The following PLSCR1 variants were observed in gnomAD, a reference collection of about 807,000 sequenced individuals.
The protein encoded by PLSCR1 is PL scramblase 1.
Under a neutral mutation model 37.8 loss-of-function variants are expected in PLSCR1, and 17 were observed. The ratio of observed to expected loss-of-function variants is 0.45; its 90% CI spans 0.31 to 0.68. The LOEUF is 0.68. PLSCR1 is among the 30% of genes least tolerant of loss of function. The probability of loss-of-function intolerance (pLI) is 0.06; values close to 1 mark genes in which losing one functional copy is unlikely to be tolerated. For missense variants in PLSCR1, 347 were observed against 380.9 expected (o/e 0.91, Z 0.74); for synonymous variants, 116 against 125.9 (o/e 0.92, Z 0.53).
At position 146,521,933 on chromosome 3, in the gene PLSCR1, G is replaced by T; in HGVS notation, c.476C>A (p.Pro159His). Residue 159 changes from proline to histidine, a missense_variant, in exon 6 of 9, where the codon CCT becomes CAT. Coordinates refer to ENST00000342435, the MANE Select transcript of PLSCR1 (RefSeq NM_021105.3). The part of the protein sequence containing the change: ...CTRNCCGPSR[P>H]FTLRIIDNMG... The stretch of plus-strand genomic sequence containing the variant: ...ATTATCAATAATCCTCAAGGTAAAA[G>T]GTCTAGATGGCCCACAGCAATTTCG... The T allele has an allele frequency of 6.2e-7, 1 of 1,613,052 alleles. No individual in the cohort carries two copies. Among genetic ancestry groups the T allele is most frequent in the Non-Finnish European group, 8.5e-7 (1 of 1,179,058 alleles).
intron 3 of PLSCR1, 43 bp downstream of exon 3, chr3:146,533,427 T>C (rs781631737): frequency 1.9e-6 from 2 of 1,074,100 alleles, no homozygotes; most frequent in South Asian, 2.8e-5. Context: ...TCTCTCTGTC[T>C]CTCAATTAAT....
intron 5 of PLSCR1, among the ~76,000 whole-genome samples, chr3:146,525,138 A>G (rs1304164775): frequency 6.6e-6 from 1 of 152,216 alleles, no homozygotes; most frequent in Non-Finnish European, 1.5e-5. Context: ...AGTGGCCTGC[A>G]TCTGACCTCG....
chr3:146,543,509 G>A (rs1222667269), intron 1 of PLSCR1, among the ~76,000 whole-genome samples: 1 of 152,188 alleles, frequency 6.6e-6, no homozygotes, highest in Non-Finnish European at 1.5e-5. Context: ...ACACGTTTAA[G>A]TGTCACTTGT....
rs547144302 is a variant in PLSCR1, at chr3:146,534,847, G to A, written c.14-1297C>T. 5.3e-5 allele frequency among the ~76,000 whole-genome samples: 8 copies of A among 152,294 alleles called. No individual in the cohort carries two copies. In the East Asian group the frequency reaches 1.5e-3, roughly 29 times the overall value. Reference sequence around the variant, plus strand: ...GCCGAGATCGTGCCACTGCACTCCAGCCTGGGCGACAGAGCGAGACTCCAT... The same window carrying A: ...GCCGAGATCGTGCCACTGCACTCCAACCTGGGCGACAGAGCGAGACTCCAT... On this transcript the variant is annotated intron_variant, in intron 2 of 8. Transcript: ENST00000342435.
chr3:146,520,722 G>A (rs1576781159), intron 7 of PLSCR1, among the ~76,000 whole-genome samples: 2 of 152,104 alleles, frequency 1.3e-5, no homozygotes, highest in African/African-American at 4.8e-5. Context: ...TCAGTAAGGG[G>A]TGGAGACAGT....
At chr3:146,533,358 A>C in intron 3 of PLSCR1, 112 bp downstream of exon 3, 1 of 515,512 alleles carries the variant, frequency 1.9e-6, no homozygotes, top group Non-Finnish European at 3.5e-6. Context: ...AACTACTAAA[A>C]TAAAAACAAA....
intron 4 of PLSCR1, 50 bp downstream of exon 4, chr3:146,528,564 C>T (rs762709590): frequency 6.9e-7 from 1 of 1,442,418 alleles, no homozygotes; most frequent in Admixed American, 1.7e-5. Flanking sequence ...GTTAAGCAAG[C>T]TGGAAGCACA....
intron 4 of PLSCR1, among the ~76,000 whole-genome samples, chr3:146,527,438 A>G (rs1455707721): frequency 1.3e-5 from 2 of 152,212 alleles, no homozygotes; most frequent in African/African-American, 2.4e-5. Context: ...AAAATGCCAG[A>G]CTGTACTCCA....
chr3:146,536,399 A>G lies in PLSCR1; in HGVS notation c.13+141T>C. The G allele has an allele frequency of 2.6e-5, 15 of 583,650 alleles. No homozygotes were observed. The South Asian group carries it at 2.9e-4, about 11-fold the overall frequency. 36.2% of individuals were successfully genotyped at this position (583,650 alleles called of 1,614,324 possible). On this transcript the variant is annotated intron_variant, in intron 2 of 8. Coordinates refer to ENST00000342435, the MANE Select transcript of PLSCR1 (RefSeq NM_021105.3). ...TTCTCTATAGTCAAAATACTGAACT[A>G]GACATTGTATTCTGGAGCATAAACA...
chr3:146,515,876 T>C lies in PLSCR1; in HGVS notation c.*169A>G, dbSNP rs1305404458. 19 of 446,370 alleles carry C rather than the reference T, an allele frequency of 4.3e-5. No homozygotes were observed. The Admixed American group carries it at 7.9e-4, about 19-fold the overall frequency. 27.7% of individuals were successfully genotyped at this position (446,370 alleles called of 1,614,324 possible). A position where few individuals can be genotyped will look rare whatever the true frequency, so the allele number is the denominator to read the frequency against. Reference sequence around the variant, plus strand: ...AATTGACAATGAGTATTAAAAAATGTACAAAAACCTTTATAAATCAGTTAT... The same window carrying C: ...AATTGACAATGAGTATTAAAAAATGCACAAAAACCTTTATAAATCAGTTAT... On this transcript the variant is annotated 3_prime_UTR_variant, in exon 9 of 9. Transcript: ENST00000342435.
intron 2 of PLSCR1, among the ~76,000 whole-genome samples, chr3:146,535,059 C>T (rs1484165534): frequency 6.6e-6 from 1 of 152,032 alleles, no homozygotes; most frequent in Non-Finnish European, 1.5e-5. Flanking sequence ...GACCTAACTC[C>T]CTAGTTCTCT....
At chr3:146,540,471 C>A (rs2044324791) in intron 1 of PLSCR1, among the ~76,000 whole-genome samples, 1 of 152,080 alleles carries the variant, frequency 6.6e-6, no homozygotes. Context: ...ACTCTTTTGA[C>A]CCATCTCTTG....
chr3:146,515,769 T>C lies in PLSCR1; in HGVS notation c.*276A>G, dbSNP rs888819568. ...TAATATTTGGTAGTAAAATGGACAA[T>C]GAATCAGAGATCATAATTCAAAGCA... On this transcript the variant is annotated 3_prime_UTR_variant, in exon 9 of 9. Transcript: ENST00000342435. 3.8e-6 allele frequency: 1 copy of C among 263,410 alleles called. No individual in the cohort carries two copies. Among genetic ancestry groups the C allele is most frequent in the Non-Finnish European group, 7.0e-6 (1 of 142,048 alleles). The allele number at this position is 263,410 out of a possible 1,614,324, so 16.3% of individuals were successfully genotyped here.
intron 2 of PLSCR1, among the ~76,000 whole-genome samples, chr3:146,536,330 T>A (rs2044263858): frequency 6.6e-6 from 1 of 152,352 alleles, no homozygotes; most frequent in Admixed American, 6.5e-5. Context: ...AAGGCTTTCG[T>A]ATTTTTAATG....
chr3:146,521,947 A>G lies in PLSCR1; in HGVS notation c.462T>C (p.Cys154=). 1 of 1,612,958 alleles carries G rather than the reference A, an allele frequency of 6.2e-7. No individual in the cohort carries two copies. The highest frequency in any genetic ancestry group is 8.5e-7 in the Non-Finnish European group (1 of 1,178,900). ...TCAAGGTAAAAGGTCTAGATGGCCC[A>G]CAGCAATTTCGGGTACAGCAATCAG... ...EDTDCCTRNC[C]GPSRPFTLRI... The change falls in exon 6 of 9, where the codon TGT becomes TGC. Residue 154 remains cysteine (C), a synonymous_variant. Transcript: ENST00000342435.
chr3:146,542,153 C>T (rs887286841), intron 1 of PLSCR1, among the ~76,000 whole-genome samples: 1 of 152,150 alleles, frequency 6.6e-6, no homozygotes, highest in African/African-American at 2.4e-5. Context: ...GGAGCAACAC[C>T]TTATTCCACA....
chr3:146,543,719 T>C (rs1182449026), intron 1 of PLSCR1, among the ~76,000 whole-genome samples: 2 of 152,248 alleles, frequency 1.3e-5, no homozygotes, highest in African/African-American at 2.4e-5. Flanking sequence ...GAGTACTTTC[T>C]GTAGCGCCAG....
At position 146,533,472 on chromosome 3, in the gene PLSCR1, TG is replaced by T; in HGVS notation, c.91del (p.Gln31LysfsTer63). The T allele has an allele frequency of 6.3e-7, 1 of 1,579,392 alleles. No homozygotes were observed. Among genetic ancestry groups the T allele is most frequent in the Non-Finnish European group, 8.7e-7 (1 of 1,153,120 alleles). On this transcript the variant is annotated frameshift_variant, in exon 3 of 9. Transcript: ENST00000342435. LOFTEE classifies it high-confidence loss of function. Reference protein sequence around the residue: ...YPPQYPPTAFQGPPGYSGYPG... With the variant: ...YPPQYPPTAFXGPPGYSGYPG... ...TCTTCTTTCAGCAACTGCTTTACCT[TG>T]GAATGCTGTCGGTGGATACTGAGGA...
intron 3 of PLSCR1, 77 bp downstream of exon 3, chr3:146,533,391 ACT>A (rs1247691588): frequency 4.7e-5 from 32 of 678,288 alleles, no homozygotes; most frequent in South Asian, 1.2e-4. Context: ...TCTCTCTCTT[ACT>A]CTCTCTCTCC....
Sources: gnomAD v4.1 joint callset for allele counts (sites outside exome capture counted in the v4.1 genomes callset) on GRCh38, gnomAD v4.1.1 for gene constraint, MANE v1.5 for transcripts, NCBI Gene and HGNC (gene_info 2026-07-23, HGNC 2026-07-21) for gene names.